ZNF394: variants seen among roughly 807,000 people sequenced by gnomAD.
ZNF394 encodes zinc finger protein 394, also known as zinc finger protein 99.
In ZNF394, 19 loss-of-function variants were observed where a neutral mutation model predicts 21.8. The ratio of observed to expected loss-of-function variants is 0.87; its 90% CI spans 0.61 to 1.28. The LOEUF (loss-of-function observed/expected upper bound fraction) is 1.28, where lower values mean the gene tolerates loss of function less well. Ranked by LOEUF, ZNF394 falls within the 50% of genes most tolerant of loss-of-function variation. The pLI is 0.00. For missense variants in ZNF394, 683 were observed against 708.6 expected (o/e 0.96, Z 0.41); for synonymous variants, 294 against 273.3 (o/e 1.08, Z -0.75).
chr7:99,500,276 G>A lies in ZNF394; in HGVS notation c.-183C>T, dbSNP rs770446007. On this transcript the variant is annotated 5_prime_UTR_variant, in exon 1 of 3. Coordinates refer to ENST00000337673, the MANE Select transcript of ZNF394 (RefSeq NM_032164.4). ...CTACAACTCTCTCGGTCAAACAACC[G>A]AAAACATCCCGTGCCGGAAGCGCGT... 102 of 558,742 alleles carry A rather than the reference G, an allele frequency of 1.8e-4. No homozygotes were observed. The highest frequency in any genetic ancestry group is 2.6e-4 in the Non-Finnish European group (89 of 336,992). The allele number at this position is 558,742 out of a possible 1,614,324, so 34.6% of individuals were successfully genotyped here.
chr7:99,498,958 T>C (rs1800424629), intron 1 of ZNF394, 116 bp from the exon 2 acceptor site: 1 of 1,373,350 alleles, frequency 7.3e-7, no homozygotes, highest in East Asian at 2.5e-5. Context: ...AGGCTGACAT[T>C]CTCTTGTAAT....
chr7:99,487,230 C>G, intron 1 of ZNF394: 1 of 1,614,114 alleles, frequency 6.2e-7, no homozygotes, highest in South Asian at 1.1e-5. Flanking sequence ...AACCGAACAC[C>G]CATAAATGCA....
At chr7:99,498,917 C>T in intron 1 of ZNF394, 75 bp from the exon 2 acceptor site, 1 of 1,515,626 alleles carries the variant, frequency 6.6e-7, no homozygotes, top group Non-Finnish European at 8.9e-7. Context: ...AGTCTTGTAC[C>T]GACAAGGGAG....
At chr7:99,499,581 C>T (rs1387412775) in intron 1 of ZNF394, 57 bp downstream of exon 1, 6 of 1,464,800 alleles carry the variant, frequency 4.1e-6, no homozygotes, top group Middle Eastern at 1.8e-4. Flanking sequence ...ACGCAGAGCA[C>T]CCCTAAACGC....
rs1025923377 is a variant in ZNF394, at chr7:99,493,646, C to G, written c.1569G>C (p.Lys523Asn). 1.2e-6 allele frequency: 2 copies of G among 1,614,220 alleles called. No homozygotes were observed. The highest frequency in any genetic ancestry group is 4.5e-5 in the East Asian group (2 of 44,890). The change falls in exon 3 of 3, where the codon AAG becomes AAC. Residue 523 changes from lysine to asparagine, a missense_variant. Lys to Asn is a moderately conservative substitution (Grantham distance 94). Around this residue, in one of 3 missense-constraint regions of ZNF394, gnomAD observed 274 missense variants for 314.1 expected, o/e 0.87. Transcript: ENST00000337673. ...CCCCACATTCAAGACATTTGTAAGGCTTTTCCCCAGTGTGAATTCTCTGGT... is the reference window on the plus strand; with the variant it reads ...CCCCACATTCAAGACATTTGTAAGGGTTTTCCCCAGTGTGAATTCTCTGGT... ...IKHQRIHTGE[K>N]PYKCLECGER... is the part of the protein sequence containing the mutation.
intron 1 of ZNF394, 140 bp downstream of exon 1, chr7:99,499,498 T>C: frequency 1.4e-6 from 1 of 725,606 alleles, no homozygotes. Context: ...GATCTGTCAC[T>C]GTGGCCTACA....
chr7:99,493,282 A>G lies in ZNF394; in HGVS notation c.*247T>C. On this transcript the variant is annotated 3_prime_UTR_variant, in exon 3 of 3. Coordinates refer to ENST00000337673, the MANE Select transcript of ZNF394 (RefSeq NM_032164.4). ...GCACTTTATTTCTTTTTTGAGATGGAGTCTCGCTCTGTTGCCCAGGCTGGA... is the reference window on the plus strand; with the variant it reads ...GCACTTTATTTCTTTTTTGAGATGGGGTCTCGCTCTGTTGCCCAGGCTGGA... 1 of 1,190,420 alleles carries G rather than the reference A, an allele frequency of 8.4e-7. No individual in the cohort carries two copies. Among genetic ancestry groups the G allele is most frequent in the Non-Finnish European group, 1.0e-6 (1 of 957,234 alleles). 73.7% of individuals were successfully genotyped at this position (1,190,420 alleles called of 1,614,324 possible). A position where few individuals can be genotyped will look rare whatever the true frequency, so the allele number is the denominator to read the frequency against.
chr7:99,487,308 G>T (rs1800020878), intron 1 of ZNF394: 2 of 1,614,078 alleles, frequency 1.2e-6, no homozygotes, highest in African/African-American at 1.3e-5. Context: ...ATACAAAGGA[G>T]GAATTCTTTC....
chr7:99,497,122 G>GTA (rs1206330509), intron 2 of ZNF394, among the ~76,000 whole-genome samples: 2,000 of 79,254 alleles, frequency 0.025, 57 homozygotes, highest in Non-Finnish European at 0.03. Flanking sequence ...GTGTGTGTGT[G>GTA]TATATATATA....
intron 2 of ZNF394, chr7:99,498,479 G>A: frequency 2.4e-6 from 1 of 423,826 alleles, no homozygotes; most frequent in Non-Finnish European, 4.2e-6. Flanking sequence ...GTAGACACAG[G>A]GGATGGTCAT....
chr7:99,494,052 C>A lies in ZNF394; in HGVS notation c.1163G>T (p.Cys388Phe). The change falls in exon 3 of 3, where the codon TGC becomes TTC. Residue 388 changes from cysteine (C) to phenylalanine (F), a missense_variant. This residue lies in a region of ZNF394 where 274 missense variants were observed against 314.1 expected (regional missense o/e 0.87). Transcript: ENST00000337673. ...RIHTGEKPYG[C>F]QECGKSFSQS... The stretch of plus-strand genomic sequence containing the variant: ...GCTGAAGCTTTTCCCACATTCTTGG[C>A]AGCCATAGGGTTTCTCACCTGTGTG... The A allele has an allele frequency of 6.2e-7, 1 of 1,614,148 alleles. No homozygotes were observed. The highest frequency in any genetic ancestry group is 8.5e-7 in the Non-Finnish European group (1 of 1,180,032).
chr7:99,493,839 T>C lies in ZNF394; in HGVS notation c.1376A>G (p.His459Arg), dbSNP rs1800220643. Reference sequence around the variant, plus strand: ...TCTTTCCCCTTTATGTAGTCTCTGATGTCTAAAAAGGTTGGAAATATGACA... The same window carrying C: ...TCTTTCCCCTTTATGTAGTCTCTGACGTCTAAAAAGGTTGGAAATATGACA... ...ETCHISNLFR[H>R]QRLHKGERPY... The change falls in exon 3 of 3, where the codon CAT (histidine) becomes CGT (arginine). Residue 459 changes from histidine (H) to arginine (R), a missense_variant. Around this residue, in one of 3 missense-constraint regions of ZNF394, gnomAD observed 274 missense variants for 314.1 expected, o/e 0.87. Coordinates refer to ENST00000337673, the MANE Select transcript of ZNF394 (RefSeq NM_032164.4). 1 of 1,614,138 alleles carries C rather than the reference T, an allele frequency of 6.2e-7. No individual in the cohort carries two copies. The highest frequency in any genetic ancestry group is 8.5e-7 in the Non-Finnish European group (1 of 1,180,016).
At chr7:99,489,861 C>T (rs895588620), downstream of ZNF394, among the ~76,000 whole-genome samples, 2 of 151,934 alleles carry the variant, frequency 1.3e-5, no homozygotes, top group Non-Finnish European at 1.5e-5. Flanking sequence ...TCTAATTTGC[C>T]GGGCGTGGTG....
downstream of ZNF394, among the ~76,000 whole-genome samples, chr7:99,491,021 G>A (rs1800150948): frequency 1.3e-5 from 2 of 152,016 alleles, no homozygotes; most frequent in Non-Finnish European, 2.9e-5. Flanking sequence ...CCTGACTGCT[G>A]TTTCCTGATG....
At chr7:99,489,337 G>A (rs1378037912), downstream of ZNF394, among the ~76,000 whole-genome samples, 1 of 151,616 alleles carries the variant, frequency 6.6e-6, no homozygotes, top group African/African-American at 2.4e-5. Flanking sequence ...AATAGGTGCC[G>A]TGGGCCCTGC....
In ZNF394 at chr7:99,494,525, G is replaced by A. The variant is rs1800243633; in HGVS notation, c.690C>T (p.Pro230=). 1 of 1,613,448 alleles carries A rather than the reference G, an allele frequency of 6.2e-7. No homozygotes were observed. Among genetic ancestry groups the A allele is most frequent in the South Asian group, 1.1e-5 (1 of 91,078 alleles). The change falls in exon 3 of 3, where the codon CCC becomes CCT. Residue 230 remains proline (P), a synonymous_variant. Coordinates refer to ENST00000337673, the MANE Select transcript of ZNF394 (RefSeq NM_032164.4). Reference sequence around the variant, plus strand: ...GGGTACTGCCACACTTAGAAAACAGGGGGCGCTTCCCCTGGAACGCTTCTT... The same window carrying A: ...GGGTACTGCCACACTTAGAAAACAGAGGGCGCTTCCCCTGGAACGCTTCTT... The part of the protein sequence containing the change: ...QLQEAFQGKR[P]LFSKCGSTHE...
At position 99,494,529 on chromosome 7, in the gene ZNF394, C is replaced by T. The variant is rs61737534; in HGVS notation, c.686G>A (p.Arg229His). The T allele has an allele frequency of 1.1e-3, 1,816 of 1,613,510 alleles. 23 individuals are homozygous for T. The African/African-American group carries it at 0.02, about 18-fold the overall frequency. Residue 229 changes from arginine to histidine, a missense_variant, in exon 3 of 3, where the codon CGC becomes CAC. Physicochemically the swap from Arg to His is conservative, Grantham distance 29. Around this residue, in one of 3 missense-constraint regions of ZNF394, gnomAD observed 402 missense variants for 373.8 expected, o/e 1.08. Transcript: ENST00000337673. ...ACTGCCACACTTAGAAAACAGGGGG[C>T]GCTTCCCCTGGAACGCTTCTTGTAG... ...GQLQEAFQGK[R>H]PLFSKCGSTH...
At chr7:99,499,533 A>G in intron 1 of ZNF394, 105 bp downstream of exon 1, 3 of 1,068,672 alleles carry the variant, frequency 2.8e-6, no homozygotes, top group African/African-American at 3.1e-5. Context: ...ACACACCCCA[A>G]TGTTCACACG....
At chr7:99,498,954 A>G (rs1452132102) in intron 1 of ZNF394, 112 bp from the exon 2 acceptor site, 2 of 1,396,638 alleles carry the variant, frequency 1.4e-6, no homozygotes, top group Admixed American at 2.6e-5. Flanking sequence ...ATAGAGGCTG[A>G]CATTCTCTTG....
Sources: gnomAD v4.1 joint callset for allele counts (sites outside exome capture counted in the v4.1 genomes callset) on GRCh38, gnomAD v4.1.1 for gene constraint, gnomAD v4.1.1 regional missense constraint, MANE v1.5 for transcripts, NCBI Gene and HGNC (gene_info 2026-07-23, HGNC 2026-07-21) for gene names.